The following ADCY9 variants were observed in gnomAD, a reference collection of about 807,000 sequenced individuals.
ADCY9 encodes adenylate cyclase 9.
In ADCY9, 50 loss-of-function variants were observed where a neutral mutation model predicts 101.5. That is an observed-to-expected ratio of 0.49 (90% confidence interval 0.39 to 0.62). ADCY9 has a LOEUF of 0.62. ADCY9 is among the 20% of genes least tolerant of loss of function. The probability of loss-of-function intolerance (pLI) is 0.00; values close to 1 mark genes in which losing one functional copy is unlikely to be tolerated. For missense variants in ADCY9, 1,662 were observed against 1,800.4 expected, an observed-to-expected ratio of 0.92 and a Z score of 1.39; for synonymous variants, 905 against 769.3, an observed-to-expected ratio of 1.18 and a Z score of -2.92.
chr16:4,115,023 G>T lies in ADCY9; in HGVS notation c.420C>A (p.Ser140=), dbSNP rs779010256. 6.2e-7 allele frequency: 1 copy of T among 1,614,006 alleles called. No individual in the cohort carries two copies. The highest frequency in any genetic ancestry group is 8.5e-7 in the Non-Finnish European group (1 of 1,180,038). Residue 140 remains serine, a synonymous_variant, in exon 2 of 11, where the codon TCC becomes TCA. Transcript: ENST00000294016. The surrounding 1 kb of genome is among the most constrained non-coding windows in gnomAD (Gnocchi z 6.2). Reference sequence around the variant, plus strand: ...CGGGGGCGACCATGACGATCAGTCTGGATCTCATGTGGACCGCAAAATAGA... The same window carrying T: ...CGGGGGCGACCATGACGATCAGTCTTGATCTCATGTGGACCGCAAAATAGA... ...WSIYFAVHMR[S]RLIVMVAPAL...
chr16:3,965,083 C>G lies in ADCY9; in HGVS notation c.*692G>C, dbSNP rs901288281. On this transcript the variant is annotated 3_prime_UTR_variant, in exon 11 of 11. Transcript: ENST00000294016. ...GGCTGGCATTTGCTGTCTTGGCCTG[C>G]ATGCATGTGGGCGAGCCCCTAAACC... The G allele has an allele frequency of 3.3e-5, 5 of 152,466 alleles. No homozygotes were observed. Among genetic ancestry groups the G allele is most frequent in the Non-Finnish European group, 5.9e-5 (4 of 68,150 alleles). The allele number at this position is 152,466 out of a possible 1,614,324, so 9.4% of individuals were successfully genotyped here.
At chr16:4,035,641 CCT>C in intron 2 of ADCY9, among the ~76,000 whole-genome samples, 1 of 152,152 alleles carries the variant, frequency 6.6e-6, no homozygotes, top group East Asian at 1.9e-4. Flanking sequence ...CTTCTTTCTT[CCT>C]TCTCAGGGAA....
intron 10 of ADCY9, among the ~76,000 whole-genome samples, chr16:3,973,106 T>G (rs2056066507): frequency 6.6e-6 from 1 of 152,214 alleles, no homozygotes; most frequent in Non-Finnish European, 1.5e-5. Context: ...TCTTAAATGT[T>G]TTCCATATTT....
At position 4,114,904 on chromosome 16, in the gene ADCY9, G is replaced by A; in HGVS notation, c.539C>T (p.Thr180Ile). ...CAGGGTCAGGGCGAACACCAGCAGG[G>A]TGAGAGCCAGCGAGGTCCACGCGTA... ...RHYAWTSLAL[T>I]LLVFALTLAA... The change falls in exon 2 of 11, where the codon ACC (threonine) becomes ATC (isoleucine). Residue 180 changes from threonine (T) to isoleucine (I), a missense_variant. Around this residue, in one of 5 missense-constraint regions of ADCY9, gnomAD observed 422 missense variants for 392.0 expected, o/e 1.08. Coordinates refer to ENST00000294016, the MANE Select transcript of ADCY9 (RefSeq NM_001116.4). This position sits in a 1 kb window ranked among gnomAD's most constrained non-coding sequence, Gnocchi z 4.3. The A allele has an allele frequency of 6.2e-7, 1 of 1,613,874 alleles. No homozygotes were observed. Among genetic ancestry groups the A allele is most frequent in the Non-Finnish European group, 8.5e-7 (1 of 1,180,038 alleles).
At chr16:4,006,054 G>C (rs893775558) in intron 3 of ADCY9, among the ~76,000 whole-genome samples, 5 of 152,144 alleles carry the variant, frequency 3.3e-5, no homozygotes, top group Non-Finnish European at 5.9e-5. Context: ...TTACACATGT[G>C]CCAAGAGTAC....
intron 2 of ADCY9, among the ~76,000 whole-genome samples, chr16:4,098,239 T>TTTTGTTTTG (rs1567147365): frequency 6.6e-6 from 1 of 151,398 alleles, no homozygotes; most frequent in African/African-American, 2.4e-5. Context: ...GTTTTGTTTT[T>TTTTGTTTTG]GTTTTTGGTT....
intron 2 of ADCY9, among the ~76,000 whole-genome samples, chr16:4,077,907 C>CAGG (rs34417887): frequency 0.35 from 52,191 of 151,020 alleles, 9,485 homozygotes; most frequent in East Asian, 0.52. Flanking sequence ...GAGTCTTCGG[C>CAGG]AGAATTGCTT....
At chr16:3,980,631 A>AGTGGCC (rs2056133503) in intron 7 of ADCY9, among the ~76,000 whole-genome samples, 1 of 152,176 alleles carries the variant, frequency 6.6e-6, no homozygotes, top group African/African-American at 2.4e-5. Flanking sequence ...CAGGCGAGGG[A>AGTGGCC]ACGCTCACTC....
At chr16:4,003,880 C>T (rs1343849601) in intron 3 of ADCY9, among the ~76,000 whole-genome samples, 2 of 152,070 alleles carry the variant, frequency 1.3e-5, no homozygotes, top group East Asian at 1.9e-4. Context: ...TTGACCTCTC[C>T]TTCCTTCACT....
rs1159726097 is a variant in ADCY9 at position 4,114,744 on chromosome 16, C to T, written c.699G>A (p.Leu233=). The T allele has an allele frequency of 6.2e-7, 1 of 1,613,118 alleles. No individual in the cohort carries two copies. Among genetic ancestry groups the T allele is most frequent in the East Asian group, 2.2e-5 (1 of 44,890 alleles). ...SFSMCIEVLF[L]LYTVMHLPLY... is the part of the protein sequence containing the mutation. ...AAGGTAAGTGCATGACGGTATAGAG[C>T]AAAAAGAGCACTTCGATGCACATGG... is the stretch of plus-strand genomic sequence containing the variant. The change falls in exon 2 of 11, where the codon TTG becomes TTA. Residue 233 remains leucine (L), a synonymous_variant. Transcript: ENST00000294016. The surrounding 1 kb of genome is among the most constrained non-coding windows in gnomAD (Gnocchi z 4.3).
At chr16:4,022,636 A>G (rs1356450307) in intron 2 of ADCY9, among the ~76,000 whole-genome samples, 1 of 151,984 alleles carries the variant, frequency 6.6e-6, no homozygotes, top group Non-Finnish European at 1.5e-5. Context: ...TTTTTTTAAA[A>G]GGAGAAAATA....
At chr16:4,096,699 C>G (rs186702150) in intron 2 of ADCY9, among the ~76,000 whole-genome samples, 46 of 152,338 alleles carry the variant, frequency 3.0e-4, no homozygotes, top group African/African-American at 1.1e-3. Flanking sequence ...GCAATAAACA[C>G]TTTCACTTAA....
At chr16:4,057,058 T>A (rs2056744757) in intron 2 of ADCY9, among the ~76,000 whole-genome samples, 3 of 103,318 alleles carry the variant, frequency 2.9e-5, no homozygotes, top group African/African-American at 1.2e-4. Context: ...CCCCCGCCAA[T>A]CTTACTCTTC....
chr16:4,026,421 G>A (rs1475779658), intron 2 of ADCY9, among the ~76,000 whole-genome samples: 9 of 64,674 alleles, frequency 1.4e-4, no homozygotes, highest in East Asian at 9.4e-4. Flanking sequence ...GCAAGACTCC[G>A]TCTCAAAAAA....
chr16:3,995,576 A>G (rs1453165661), intron 3 of ADCY9, among the ~76,000 whole-genome samples: 2 of 151,916 alleles, frequency 1.3e-5, no homozygotes, highest in Non-Finnish European at 2.9e-5. Context: ...GCTTCCAATG[A>G]AGAAGACAAA....
At chr16:4,018,626 C>A (rs2056454271) in intron 2 of ADCY9, among the ~76,000 whole-genome samples, 1 of 152,216 alleles carries the variant, frequency 6.6e-6, no homozygotes, top group African/African-American at 2.4e-5. Flanking sequence ...CAGATCGTAT[C>A]TGCAGCACAG....
At chr16:3,994,037 T>C (rs35384844) in intron 3 of ADCY9, among the ~76,000 whole-genome samples, 8,848 of 152,198 alleles carry the variant, frequency 0.058, 274 homozygotes, top group Admixed American at 0.066. Context: ...ATTCGAATGT[T>C]TGTGCCCCCT....
At chr16:4,093,906 C>G (rs185031622) in intron 2 of ADCY9, among the ~76,000 whole-genome samples, 1 of 152,316 alleles carries the variant, frequency 6.6e-6, no homozygotes, top group East Asian at 1.9e-4. Context: ...TTAGTGCGAA[C>G]TGGAACTTCT....
At chr16:3,993,288 G>C in intron 4 of ADCY9, 118 bp downstream of exon 4, 1 of 1,501,782 alleles carries the variant, frequency 6.7e-7, no homozygotes, top group South Asian at 1.3e-5. Flanking sequence ...CGGGTGCGGA[G>C]TGCTGTTACC....
Sources: allele counts gnomAD v4.1 joint callset (sites outside exome capture counted in the v4.1 genomes callset), GRCh38; gene constraint gnomAD v4.1.1; regional missense constraint gnomAD v4.1.1; non-coding constraint Gnocchi (gnomAD v3.1); transcripts MANE v1.5; gene names NCBI Gene and HGNC (gene_info 2026-07-23, HGNC 2026-07-21).